CDYL2: variants seen among roughly 807,000 people sequenced by gnomAD.
The protein encoded by CDYL2 is chromodomain Y-like protein 2.
In CDYL2, 23 loss-of-function variants were observed where a neutral mutation model predicts 49.4. That is an observed-to-expected ratio of 0.47 (90% CI 0.34 to 0.66). The LOEUF (loss-of-function observed/expected upper bound fraction) is 0.66. Among genes scored for constraint, CDYL2 ranks in the 30% least tolerant of loss-of-function variants. The probability of loss-of-function intolerance (pLI) is 0.01; values close to 1 mark genes in which losing one functional copy is unlikely to be tolerated. For synonymous variants in CDYL2, 360 were observed against 268.8 expected, an observed-to-expected ratio of 1.34 and a Z score of -3.32; for missense variants, 678 against 656.4, an observed-to-expected ratio of 1.03 and a Z score of -0.36.
intron 1 of CDYL2, among the ~76,000 whole-genome samples, chr16:80,794,290 G>A (rs1290509531): frequency 6.6e-6 from 1 of 152,122 alleles, no homozygotes; most frequent in African/African-American, 2.4e-5. Context: ...TCAACCTCAA[G>A]TGGTATTTGA....
Position 80,612,494 on chromosome 16 carries a change from G to A in CDYL2, c.1218+132C>T, listed in dbSNP as rs1375850634. On this transcript the variant is annotated intron_variant, in intron 5 of 6. Coordinates refer to ENST00000570137, the MANE Select transcript of CDYL2 (RefSeq NM_152342.4). This position sits in a 1 kb window ranked among gnomAD's most constrained non-coding sequence, Gnocchi z 5.0. Reference sequence around the variant, plus strand: ...CTCCATCTGGCACTGAAGGTGTGAAGGACATGAGGCAGCCAAGCCAATCTG... The same window carrying A: ...CTCCATCTGGCACTGAAGGTGTGAAAGACATGAGGCAGCCAAGCCAATCTG... 2 of 826,326 alleles carry A rather than the reference G, an allele frequency of 2.4e-6. No individual in the cohort carries two copies. Among genetic ancestry groups the A allele is most frequent in the African/African-American group, 1.7e-5 (1 of 58,474 alleles). 51.2% of individuals were successfully genotyped at this position (826,326 alleles called of 1,614,324 possible).
At chr16:80,690,563 C>T (rs1368638405) in intron 1 of CDYL2, among the ~76,000 whole-genome samples, 1 of 152,200 alleles carries the variant, frequency 6.6e-6, no homozygotes, top group African/African-American at 2.4e-5. Flanking sequence ...TTGGTAAGCA[C>T]AGAAGAGCTA....
At chr16:80,739,700 C>G (rs927879550) in intron 1 of CDYL2, among the ~76,000 whole-genome samples, 1 of 152,178 alleles carries the variant, frequency 6.6e-6, no homozygotes, top group African/African-American at 2.4e-5. Flanking sequence ...GACGCACCAG[C>G]TCAGAGCTCA....
At chr16:80,633,833 T>C (rs1907687781) in intron 2 of CDYL2, among the ~76,000 whole-genome samples, 2 of 152,222 alleles carry the variant, frequency 1.3e-5, no homozygotes, top group African/African-American at 4.8e-5. Flanking sequence ...TTTGCATTTT[T>C]CTGTTTCACA....
At chr16:80,774,068 T>A (rs1906998970) in intron 1 of CDYL2, among the ~76,000 whole-genome samples, 1 of 152,116 alleles carries the variant, frequency 6.6e-6, no homozygotes, top group Non-Finnish European at 1.5e-5. Flanking sequence ...TACTTTATAA[T>A]TCATTAAAGT....
intron 1 of CDYL2, among the ~76,000 whole-genome samples, chr16:80,736,895 T>G (rs557116520): frequency 3.9e-5 from 6 of 152,344 alleles, no homozygotes; most frequent in African/African-American, 1.4e-4. Flanking sequence ...ATTTATTATC[T>G]AATCATTGTT....
In CDYL2 at chr16:80,802,355, C is replaced by T. The variant is rs550731115; in HGVS notation, c.24+1795G>A. Among the ~76,000 whole-genome samples, 4 of 152,332 alleles carry T rather than the reference C, an allele frequency of 2.6e-5. No homozygotes were observed. The South Asian group carries it at 8.3e-4, about 32-fold the overall frequency. On this transcript the variant is annotated intron_variant, in intron 1 of 6. Coordinates refer to ENST00000570137, the MANE Select transcript of CDYL2 (RefSeq NM_152342.4). ...CATGATTCCAACCAGATCACTTTCA[C>T]CCCTAAACAATATCTACTTTTAGCC... is the stretch of plus-strand genomic sequence containing the variant.
At chr16:80,720,393 T>A (rs532074781) in intron 1 of CDYL2, among the ~76,000 whole-genome samples, 1 of 152,212 alleles carries the variant, frequency 6.6e-6, no homozygotes, top group East Asian at 1.9e-4. Context: ...ACAGTCACCA[T>A]GTAGTATCCA....
chr16:80,794,411 G>C (rs550242891), intron 1 of CDYL2, among the ~76,000 whole-genome samples: 1 of 152,170 alleles, frequency 6.6e-6, no homozygotes, highest in South Asian at 2.1e-4. Context: ...TGCTGAAATA[G>C]TGCATTTACC....
At chr16:80,796,298 G>C (rs1422598550) in intron 1 of CDYL2, among the ~76,000 whole-genome samples, 4 of 152,176 alleles carry the variant, frequency 2.6e-5, no homozygotes, top group African/African-American at 4.8e-5. Flanking sequence ...CCCTTATTAA[G>C]TCAACTGATT....
rs116669813 is a variant in CDYL2 at position 80,684,345 on chromosome 16, A to G, written c.616+193T>C. On this transcript the variant is annotated intron_variant, in intron 2 of 6. Coordinates refer to ENST00000570137, the MANE Select transcript of CDYL2 (RefSeq NM_152342.4). ...TCAGAGGCTTAGCCTCCCCACATGC[A>G]TGAGGGTCTGTAACCAACATGGGCC... is the stretch of plus-strand genomic sequence containing the variant. Among the ~76,000 whole-genome samples, 1,365 of 152,280 alleles carry G rather than the reference A, an allele frequency of 9.0e-3. 24 individuals are homozygous for G. Among genetic ancestry groups the G allele is most frequent in the African/African-American group, 0.031 (1,303 of 41,558 alleles).
At chr16:80,628,290 G>C (rs1212672512) in intron 3 of CDYL2, 2 of 152,204 alleles carry the variant, frequency 1.3e-5, no homozygotes, top group African/African-American at 2.4e-5. Context: ...CTAGCAACTG[G>C]CTTCAACAGA....
chr16:80,639,897 AC>A (rs1208304879), intron 2 of CDYL2, among the ~76,000 whole-genome samples: 1 of 152,186 alleles, frequency 6.6e-6, no homozygotes, highest in Non-Finnish European at 1.5e-5. Flanking sequence ...GCTGACGTCT[AC>A]CCAATGACGG....
At chr16:80,762,773 T>C (rs1156460455) in intron 1 of CDYL2, among the ~76,000 whole-genome samples, 1 of 152,146 alleles carries the variant, frequency 6.6e-6, no homozygotes, top group African/African-American at 2.4e-5. Context: ...ACTCTCTGCC[T>C]TCTTGTTTGA....
At position 80,712,215 on chromosome 16, in the gene CDYL2, A is replaced by ATATATATATATATATG. The variant is rs763194077; in HGVS notation, c.25-27087_25-27086insCATATATATATATATA. Among the ~76,000 whole-genome samples the ATATATATATATATATG allele has an allele frequency of 1.7e-3, 215 of 128,342 alleles. 2 individuals carry two copies. Among genetic ancestry groups the ATATATATATATATATG allele is most frequent in the Middle Eastern group, 0.015 (3 of 196 alleles). 84.2% of individuals were successfully genotyped at this position (128,342 alleles called of 152,430 possible). On this transcript the variant is annotated intron_variant, in intron 1 of 6. Transcript: ENST00000570137. The stretch of plus-strand genomic sequence containing the variant: ...TGTATATATATATATATATATATAT[A>ATATATATATATATATG]TCTCCAAACCACTGCTCACTGTGAT...
In CDYL2 at chr16:80,736,029, C is replaced by T. The variant is rs117087477; in HGVS notation, c.25-50900G>A. Among the ~76,000 whole-genome samples, 124 of 152,308 alleles carry T rather than the reference C, an allele frequency of 8.1e-4. 1 individual carries two copies. The East Asian group carries it at 0.02, about 25-fold the overall frequency. On this transcript the variant is annotated intron_variant, in intron 1 of 6. Coordinates refer to ENST00000570137, the MANE Select transcript of CDYL2 (RefSeq NM_152342.4). ...CATCCGCTGGACTAAGGGTCACCTT[C>T]CCAGCTTGTCCTCAGTAACCAGCCT...
At chr16:80,753,719 T>G (rs577544912) in intron 1 of CDYL2, among the ~76,000 whole-genome samples, 27 of 152,314 alleles carry the variant, frequency 1.8e-4, no homozygotes, top group African/African-American at 5.3e-4. Context: ...GACCTTCAGA[T>G]AGAAAATCTC....
intron 1 of CDYL2, among the ~76,000 whole-genome samples, chr16:80,724,241 G>C (rs1385833493): frequency 1.3e-5 from 2 of 148,220 alleles, no homozygotes; most frequent in East Asian, 4.0e-4. Context: ...GGGAGAAAGA[G>C]GAAGAAGATG....
intron 1 of CDYL2, among the ~76,000 whole-genome samples, chr16:80,759,276 T>C (rs1027748728): frequency 6.6e-6 from 1 of 151,454 alleles, no homozygotes; most frequent in African/African-American, 2.4e-5. Flanking sequence ...GTTGGGTATA[T>C]TTGTGCCTTT....
Sources: allele counts gnomAD v4.1 joint callset (sites outside exome capture counted in the v4.1 genomes callset), GRCh38; gene constraint gnomAD v4.1.1; non-coding constraint Gnocchi (gnomAD v3.1); transcripts MANE v1.5; gene names NCBI Gene and HGNC (gene_info 2026-07-23, HGNC 2026-07-21).